PCNX2: variants seen among roughly 807,000 people sequenced by gnomAD.
PCNX2 encodes the protein pecanex 2, also known as pecanex-like protein 2.
Under a neutral mutation model 223.8 loss-of-function variants are expected in PCNX2, and 168 were observed. The observed-to-expected ratio is 0.75, with a 90% confidence interval of 0.66 to 0.85. The LOEUF (loss-of-function observed/expected upper bound fraction) is 0.85. PCNX2 is among the 40% of genes least tolerant of loss of function. The pLI is 0.00. For missense variants in PCNX2, 2,507 were observed against 2,675.5 expected, an observed-to-expected ratio of 0.94 and a Z score of 1.39; for synonymous variants, 1,006 against 1,052.6, an observed-to-expected ratio of 0.96 and a Z score of 0.86.
At chr1:233,203,507 A>G (rs1414543845) in intron 13 of PCNX2, among the ~76,000 whole-genome samples, 2 of 152,218 alleles carry the variant, frequency 1.3e-5, no homozygotes, top group African/African-American at 4.8e-5. Context: ...TAAAAGAAAA[A>G]GAAATTACAT....
intron 4 of PCNX2, 46 bp downstream of exon 4, chr1:233,261,238 TC>T: frequency 6.7e-7 from 1 of 1,498,304 alleles, no homozygotes; most frequent in Non-Finnish European, 9.3e-7. Flanking sequence ...ATTTCTCACT[TC>T]ACTGAGGATA....
intron 23 of PCNX2, among the ~76,000 whole-genome samples, chr1:233,073,910 C>A (rs1447039838): frequency 6.6e-6 from 1 of 152,148 alleles, no homozygotes; most frequent in Non-Finnish European, 1.5e-5. Context: ...ATGAACACCA[C>A]CATGTCTGGC....
chr1:233,167,207 A>T (rs1268480286), intron 17 of PCNX2, among the ~76,000 whole-genome samples: 1 of 152,250 alleles, frequency 6.6e-6, no homozygotes, highest in Non-Finnish European at 1.5e-5. Context: ...AATATTTTTC[A>T]GCCTTTATGA....
At chr1:233,221,873 A>G (rs879509504) in intron 10 of PCNX2, among the ~76,000 whole-genome samples, 3 of 152,220 alleles carry the variant, frequency 2.0e-5, no homozygotes, top group Non-Finnish European at 4.4e-5. Context: ...GGCAGAAATT[A>G]GGAAGGGGAG....
intron 1 of PCNX2, among the ~76,000 whole-genome samples, chr1:233,272,728 A>G (rs763796856): frequency 6.6e-6 from 1 of 152,208 alleles, no homozygotes; most frequent in Non-Finnish European, 1.5e-5. Flanking sequence ...CAATTGCAAA[A>G]ATACGGAACC....
chr1:233,182,802 C>T (rs372681740), intron 15 of PCNX2, among the ~76,000 whole-genome samples: 31 of 152,232 alleles, frequency 2.0e-4, no homozygotes, highest in African/African-American at 7.2e-4. Context: ...GTATAAGTTC[C>T]ACCTGCTCAG....
intron 19 of PCNX2, among the ~76,000 whole-genome samples, chr1:233,146,796 A>C (rs1179627897): frequency 6.6e-6 from 1 of 152,142 alleles, no homozygotes; most frequent in Non-Finnish European, 1.5e-5. Context: ...TGGATGGGGG[A>C]GTAAGAACTA....
rs1265565391 is a variant in PCNX2 at position 233,227,238 on chromosome 1, G to A, written c.2492C>T (p.Ala831Val). 6.2e-7 allele frequency: 1 copy of A among 1,612,282 alleles called. No homozygotes were observed. Among genetic ancestry groups the A allele is most frequent in the Non-Finnish European group, 8.5e-7 (1 of 1,179,088 alleles). The change falls in exon 10 of 34, where the codon GCA (alanine) becomes GTA (valine). Residue 831 changes from alanine (A) to valine (V), a missense_variant. By Grantham distance (64) the Ala-to-Val change is moderately conservative (BLOSUM62 0). Transcript: ENST00000258229. ...CTCAGTGGCTTACCGATCAAGTAAT[G>A]CCAGCAAGGTCAGTCGATCATACCA... ...KVWYDRLTLL[A>V]LLDRTEDIKE...
At chr1:232,985,973 G>A in intron 33 of PCNX2, 119 bp downstream of exon 33, 1 of 1,124,702 alleles carries the variant, frequency 8.9e-7, no homozygotes, top group Middle Eastern at 2.0e-4. Flanking sequence ...GAGCCCCATA[G>A]AGAAGGGGAT....
At chr1:233,290,840 C>A (rs919913914) in intron 1 of PCNX2, 43 of 985,288 alleles carry the variant, frequency 4.4e-5, no homozygotes, top group Non-Finnish European at 5.2e-5. Flanking sequence ...AGCCATAGAA[C>A]GAAAGACAGG....
intron 1 of PCNX2, among the ~76,000 whole-genome samples, chr1:233,267,058 C>A (rs1050922448): frequency 1.3e-5 from 2 of 152,098 alleles, no homozygotes; most frequent in African/African-American, 4.8e-5. Context: ...GTGGCTCACA[C>A]CTGTAATCCC....
At position 233,179,102 on chromosome 1, in the gene PCNX2, T is replaced by C; in HGVS notation, c.3140A>G (p.His1047Arg). 2 of 1,613,792 alleles carry C rather than the reference T, an allele frequency of 1.2e-6. No homozygotes were observed. The highest frequency in any genetic ancestry group is 1.7e-6 in the Non-Finnish European group (2 of 1,179,826). Residue 1047 changes from histidine (H) to arginine (R), a missense_variant, in exon 16 of 34, where the codon CAT becomes CGT. His to Arg is a conservative substitution (Grantham distance 29). Transcript: ENST00000258229. ...FCGLLVALSY[H>R]LSRQSSDPSV... Reference sequence around the variant, plus strand: ...TGGGTCACTGCTCTGACGGCTCAGATGGTAAGAAAGGGCGACCAAGAGGCC... The same window carrying C: ...TGGGTCACTGCTCTGACGGCTCAGACGGTAAGAAAGGGCGACCAAGAGGCC...
chr1:233,323,751 C>A, the PCNX2 span, among the ~76,000 whole-genome samples: 1 of 152,160 alleles, frequency 6.6e-6, no homozygotes, highest in Admixed American at 6.5e-5. Context: ...CTCAGGCCTC[C>A]CTATTCTGAG....
Position 233,227,433 on chromosome 1 carries a change from A to AAT in PCNX2, c.2359-64_2359-63dup, listed in dbSNP as rs760988738. On this transcript the variant is annotated intron_variant, in intron 9 of 33. Transcript: ENST00000258229. ...TTTATGTTGTCATGGCATGGCCACA[A>AAT]ATATATATATATATGTATACACACA... 3,115 of 1,281,806 alleles carry AAT rather than the reference A, an allele frequency of 2.4e-3. 1 individual carries two copies. Among genetic ancestry groups the AAT allele is most frequent in the Non-Finnish European group, 2.7e-3 (2,535 of 924,692 alleles). The allele number at this position is 1,281,806 out of a possible 1,614,324, so 79.4% of individuals were successfully genotyped here. A position where few individuals can be genotyped will look rare whatever the true frequency, so the allele number is the denominator to read the frequency against.
chr1:233,062,344 T>A (rs763924058), intron 23 of PCNX2, among the ~76,000 whole-genome samples: 2 of 152,232 alleles, frequency 1.3e-5, no homozygotes, highest in Non-Finnish European at 2.9e-5. Context: ...TTCTTCTATA[T>A]GCTTATCTAA....
intron 21 of PCNX2, among the ~76,000 whole-genome samples, chr1:233,099,595 C>T (rs1674368609): frequency 6.6e-6 from 1 of 152,162 alleles, no homozygotes. Context: ...AGACATGATC[C>T]AGGTTTAAAA....
At chr1:233,272,632 C>T (rs6702768) in intron 1 of PCNX2, among the ~76,000 whole-genome samples, 32,859 of 152,142 alleles carry the variant, frequency 0.22, 3,642 homozygotes, top group South Asian at 0.26. Context: ...ATCCAGCAGT[C>T]CCACTACTGG....
At chr1:233,153,713 C>T (rs959548100) in intron 19 of PCNX2, among the ~76,000 whole-genome samples, 1 of 152,010 alleles carries the variant, frequency 6.6e-6, no homozygotes, top group Non-Finnish European at 1.5e-5. Context: ...AGAAGAATAC[C>T]AGAAGAGATA....
At chr1:233,113,568 C>G (rs770200261) in intron 21 of PCNX2, among the ~76,000 whole-genome samples, 9 of 152,196 alleles carry the variant, frequency 5.9e-5, no homozygotes, top group Non-Finnish European at 1.2e-4. Flanking sequence ...GTAATTATTA[C>G]GAGCCTGCCT....
Sources: gnomAD v4.1 joint callset for allele counts (sites outside exome capture counted in the v4.1 genomes callset) on GRCh38, gnomAD v4.1.1 for gene constraint, MANE v1.5 for transcripts, NCBI Gene and HGNC (gene_info 2026-07-23, HGNC 2026-07-21) for gene names.